CLK3: variants seen among roughly 807,000 people sequenced by gnomAD.
CLK3 encodes the protein CDC like kinase 3, also known as dual specificity protein kinase CLK3.
A neutral mutation model predicts 65.2 loss-of-function variants in CLK3; 24 were observed. The observed-to-expected ratio is 0.37, with a 90% confidence interval of 0.27 to 0.52. The LOEUF (loss-of-function observed/expected upper bound fraction) is 0.52, where lower values mean the gene tolerates loss of function less well. Among genes scored for constraint, CLK3 ranks in the 20% least tolerant of loss-of-function variants. The pLI, the probability that CLK3 is intolerant of heterozygous loss-of-function variation, is 0.92. For missense variants in CLK3, 506 were observed against 660.0 expected, an observed-to-expected ratio of 0.77 and a Z score of 2.56; for synonymous variants, 252 against 240.8, an observed-to-expected ratio of 1.05 and a Z score of -0.43.
intron 1 of CLK3, among the ~76,000 whole-genome samples, chr15:74,617,131 C>T (rs1291455833): frequency 2.0e-5 from 3 of 152,200 alleles, no homozygotes; most frequent in African/African-American, 7.2e-5. Context: ...TACCTTATAA[C>T]TCTCATGCTT....
intron 3 of CLK3, chr15:74,620,451 C>A: frequency 1.5e-6 from 1 of 647,142 alleles, no homozygotes; most frequent in Non-Finnish European, 2.6e-6. Flanking sequence ...GGAACTCTGG[C>A]TCCGATGCTG....
chr15:74,624,601 G>C lies in CLK3; in HGVS notation c.534-301G>C. On this transcript the variant is annotated intron_variant, in intron 5 of 12. Coordinates refer to ENST00000395066, the MANE Select transcript of CLK3 (RefSeq NM_001130028.2). The surrounding 1 kb of genome is among the most constrained non-coding windows in gnomAD (Gnocchi z 4.2). ...TGTGTGAGCTCTTGGACTGGCACTG[G>C]TTAAGCAGGATTGGCCTCTACTCTC... 1.4e-5 allele frequency: 6 copies of C among 442,436 alleles called. No homozygotes were observed. The highest frequency in any genetic ancestry group is 3.5e-5 in the Admixed American group (1 of 28,970). 27.4% of individuals were successfully genotyped at this position (442,436 alleles called of 1,614,324 possible).
rs1341157256 is a variant in CLK3 at position 74,629,984 on chromosome 15, T to C, written c.*101T>C. The stretch of plus-strand genomic sequence containing the variant: ...CAGGCCCCAGGCCAGAGCCACCCAA[T>C]GAACAGTGCAATGTGAAGGAAGGCA... On this transcript the variant is annotated 3_prime_UTR_variant, in exon 13 of 13. Coordinates refer to ENST00000395066, the MANE Select transcript of CLK3 (RefSeq NM_001130028.2). 1.1e-5 allele frequency: 13 copies of C among 1,171,496 alleles called. No homozygotes were observed. The highest frequency in any genetic ancestry group is 2.4e-5 in the Admixed American group (1 of 40,884). The allele number at this position is 1,171,496 out of a possible 1,614,324, so 72.6% of individuals were successfully genotyped here.
At chr15:74,618,885 G>A (rs986275884) in intron 1 of CLK3, among the ~76,000 whole-genome samples, 18 of 152,190 alleles carry the variant, frequency 1.2e-4, no homozygotes, top group African/African-American at 3.4e-4. Context: ...AGTGTTCACC[G>A]TCCCCACCCA....
At chr15:74,616,611 G>T (rs1262451022) in intron 1 of CLK3, among the ~76,000 whole-genome samples, 1 of 152,254 alleles carries the variant, frequency 6.6e-6, no homozygotes, top group African/African-American at 2.4e-5. Flanking sequence ...CCCATCAGAG[G>T]CGGAGTTGGC....
intron 6 of CLK3, among the ~76,000 whole-genome samples, chr15:74,625,227 C>G (rs2062134207): frequency 6.6e-6 from 1 of 152,156 alleles, no homozygotes; most frequent in South Asian, 2.1e-4. Flanking sequence ...CCTCCCAGCC[C>G]TGCGTTTTGT....
intron 1 of CLK3, 158 bp downstream of exon 1, chr15:74,616,056 G>A (rs2062056940): frequency 9.2e-6 from 5 of 541,092 alleles, no homozygotes; most frequent in Non-Finnish European, 1.4e-5. Context: ...CTGACCCGCT[G>A]CTTCTGCCCC....
At chr15:74,620,424 T>G (rs1315186676) in intron 3 of CLK3, 199 bp downstream of exon 3, 6 of 727,612 alleles carry the variant, frequency 8.2e-6, no homozygotes, top group Non-Finnish European at 1.3e-5. Flanking sequence ...TTCTGGCTCT[T>G]TCCAGTGGCA....
In CLK3 at chr15:74,629,677, C is replaced by G. The variant is rs1263618705; in HGVS notation, c.1297-30C>G. 1.9e-6 allele frequency: 3 copies of G among 1,579,420 alleles called. No homozygotes were observed. The South Asian group carries it at 3.4e-5, about 18-fold the overall frequency. ...CTGTGGCTTCCCACGACCCTGCCGT[C>G]ACACTGAGGCACCTTGTGTCCCTGA... On this transcript the variant is annotated intron_variant, in intron 12 of 12. Transcript: ENST00000395066.
intron 1 of CLK3, among the ~76,000 whole-genome samples, chr15:74,616,311 T>C (rs935505814): frequency 5.3e-5 from 8 of 152,206 alleles, no homozygotes; most frequent in Non-Finnish European, 1.0e-4. Flanking sequence ...AGTCCGGCTT[T>C]CCCTCTGTCC....
chr15:74,628,709 G>C, intron 11 of CLK3, 26 bp downstream of exon 11: 1 of 1,587,472 alleles, frequency 6.3e-7, no homozygotes, highest in Non-Finnish European at 8.6e-7. Context: ...GCCCCCTCAG[G>C]GTTGGTATAG....
chr15:74,615,921 G>T, intron 1 of CLK3, 23 bp downstream of exon 1: 1 of 1,242,390 alleles, frequency 8.0e-7, no homozygotes, highest in Non-Finnish European at 1.0e-6. Flanking sequence ...TGGGGTCCGC[G>T]GCGGCGACAG....
Position 74,619,219 on chromosome 15 carries a change from G to T in CLK3, c.23G>T (p.Arg8Leu). ...TAGATGCATCACTGTAAGCGATACCGCTCCCCTGAACCAGACCCGTACCTG... is the reference window on the plus strand; with the variant it reads ...TAGATGCATCACTGTAAGCGATACCTCTCCCCTGAACCAGACCCGTACCTG... MHHCKRY[R>L]SPEPDPYLSY... The change falls in exon 2 of 13, where the codon CGC (arginine) becomes CTC (leucine). Residue 8 changes from arginine to leucine, a missense_variant. Coordinates refer to ENST00000395066, the MANE Select transcript of CLK3 (RefSeq NM_001130028.2). 6.2e-7 allele frequency: 1 copy of T among 1,614,094 alleles called. No individual in the cohort carries two copies. The highest frequency in any genetic ancestry group is 1.3e-5 in the African/African-American group (1 of 75,024).
At position 74,627,698 on chromosome 15, in the gene CLK3, C is replaced by G. The variant is rs752105098; in HGVS notation, c.1042+30C>G. On this transcript the variant is annotated intron_variant, in intron 9 of 12. Coordinates refer to ENST00000395066, the MANE Select transcript of CLK3 (RefSeq NM_001130028.2). This position sits in a 1 kb window ranked among gnomAD's most constrained non-coding sequence, Gnocchi z 4.3. ...GTGACTGTATGGCCTGTGACCTTGT[C>G]ATACTGGACTGTTGTTGGGAGGGTA... The G allele has an allele frequency of 1.2e-5, 19 of 1,612,472 alleles. No homozygotes were observed. The highest frequency in any genetic ancestry group is 1.3e-5 in the African/African-American group (1 of 74,900).
At chr15:74,623,402 T>C (rs1221205913) in intron 5 of CLK3, among the ~76,000 whole-genome samples, 1 of 152,234 alleles carries the variant, frequency 6.6e-6, no homozygotes, top group East Asian at 1.9e-4. Flanking sequence ...GCCTGCATCA[T>C]ACTCCAGTTA....
chr15:74,612,806 T>C (rs558470573), upstream of CLK3, among the ~76,000 whole-genome samples: 1 of 152,282 alleles, frequency 6.6e-6, no homozygotes, highest in South Asian at 2.1e-4. Context: ...TGCCCCCACC[T>C]CCCATACTGG....
Position 74,622,584 on chromosome 15 carries a change from C to T in CLK3, c.533+24C>T, listed in dbSNP as rs775920119. On this transcript the variant is annotated intron_variant, in intron 5 of 12. Transcript: ENST00000395066. This position sits in a 1 kb window ranked among gnomAD's most constrained non-coding sequence, Gnocchi z 4.6. ...AGGTGAGCGAGCTGCGGCAGTACAG[C>T]TGGCTCCGGATGTGATCTTCCTGGG... is the stretch of plus-strand genomic sequence containing the variant. The T allele has an allele frequency of 6.3e-7, 1 of 1,587,006 alleles. No individual in the cohort carries two copies. Among genetic ancestry groups the T allele is most frequent in the African/African-American group, 1.4e-5 (1 of 73,900 alleles).
In CLK3 at chr15:74,622,066, G is replaced by T. The variant is rs1345387661; in HGVS notation, c.370-54G>T. On this transcript the variant is annotated intron_variant, in intron 3 of 12. Coordinates refer to ENST00000395066, the MANE Select transcript of CLK3 (RefSeq NM_001130028.2). This position sits in a 1 kb window ranked among gnomAD's most constrained non-coding sequence, Gnocchi z 4.6. ...GACTGACACCTCAATCTGTCAATCG[G>T]AACCGCCTACCATGCGATTGGTCGG... 1 of 1,545,844 alleles carries T rather than the reference G, an allele frequency of 6.5e-7. No individual in the cohort carries two copies. Among genetic ancestry groups the T allele is most frequent in the South Asian group, 1.1e-5 (1 of 89,420 alleles).
At chr15:74,619,973 C>T in intron 2 of CLK3, 36 bp from the exon 3 acceptor site, 1 of 1,613,196 alleles carries the variant, frequency 6.2e-7, no homozygotes, top group East Asian at 2.2e-5. Context: ...ACAGCAAGGA[C>T]CCAGCTGACC....
Sources: gnomAD v4.1 joint callset for allele counts (sites outside exome capture counted in the v4.1 genomes callset) on GRCh38, gnomAD v4.1.1 for gene constraint, Gnocchi (gnomAD v3.1) non-coding constraint, MANE v1.5 for transcripts, NCBI Gene and HGNC (gene_info 2026-07-23, HGNC 2026-07-21) for gene names.